NAA40: variants seen among roughly 807,000 people sequenced by gnomAD.
The protein encoded by NAA40 is N-alpha-acetyltransferase 40, NatD catalytic subunit, also known as N-alpha-acetyltransferase 40.
Under a neutral mutation model 36.6 loss-of-function variants are expected in NAA40, and 26 were observed. That is an observed-to-expected ratio of 0.71 (90% CI 0.52 to 0.98). NAA40 has a LOEUF of 0.98. Ranked by LOEUF, NAA40 falls within the 50% of genes least tolerant of loss-of-function variation. The probability of loss-of-function intolerance (pLI) is 0.00; values close to 1 mark genes in which losing one functional copy is unlikely to be tolerated. For missense variants in NAA40, 237 were observed against 306.5 expected (o/e 0.77, Z 1.69); for synonymous variants, 129 against 108.4 (o/e 1.19, Z -1.18).
chr11:63,941,342 C>T (rs988808569), intron 1 of NAA40, among the ~76,000 whole-genome samples: 1 of 152,202 alleles, frequency 6.6e-6, no homozygotes, highest in Admixed American at 6.5e-5. Flanking sequence ...GGAGCGCTTT[C>T]TCTTCAGTTG....
At chr11:63,951,098 G>C (rs1317425316) in intron 3 of NAA40, among the ~76,000 whole-genome samples, 1 of 152,170 alleles carries the variant, frequency 6.6e-6, no homozygotes, top group African/African-American at 2.4e-5. Context: ...ATTCCAGTGC[G>C]TACATCCTCT....
At chr11:63,939,782 G>GA (rs894365250) in intron 1 of NAA40, among the ~76,000 whole-genome samples, 1 of 152,150 alleles carries the variant, frequency 6.6e-6, no homozygotes, top group African/African-American at 2.4e-5. Flanking sequence ...TAGTGCAGGT[G>GA]TTTTTTGCAA....
chr11:63,939,279 G>A, intron 1 of NAA40, 177 bp downstream of exon 1: 1 of 1,284,954 alleles, frequency 7.8e-7, no homozygotes, highest in South Asian at 2.0e-5. Flanking sequence ...GGCCTAGCCC[G>A]GGAATCCTCT....
chr11:63,947,181 T>C (rs1481642859), intron 3 of NAA40, among the ~76,000 whole-genome samples, 178 bp downstream of exon 3: 8 of 152,056 alleles, frequency 5.3e-5, no homozygotes, highest in Non-Finnish European at 1.0e-4. Flanking sequence ...CCGAGGTGGG[T>C]GGATCACATG....
chr11:63,952,665 G>C, intron 5 of NAA40, 91 bp from the exon 6 acceptor site: 1 of 1,601,132 alleles, frequency 6.2e-7, no homozygotes, highest in Admixed American at 1.7e-5. Flanking sequence ...CTAGGTCTAT[G>C]AGCTGCCAAG....
At chr11:63,946,079 G>A in intron 2 of NAA40, 144 bp downstream of exon 2, 1 of 703,196 alleles carries the variant, frequency 1.4e-6, no homozygotes, top group Non-Finnish European at 2.4e-6. Flanking sequence ...AGGGAACTGA[G>A]CTCATACCTG....
In NAA40 at chr11:63,950,072, AAGAG is replaced by A. The variant is rs201604797; in HGVS notation, c.156-2164_156-2161del. ...CTTGGAAGGTTTTTTTTAAGGAAGAAAGAGAATATATGCAGCTCAGTAAGTAGCA... is the reference window on the plus strand; with the variant it reads ...CTTGGAAGGTTTTTTTTAAGGAAGAAAATATATGCAGCTCAGTAAGTAGCA... On this transcript the variant is annotated intron_variant, in intron 3 of 7. Transcript: ENST00000377793. Among the ~76,000 whole-genome samples the A allele has an allele frequency of 1.9e-3, 289 of 151,410 alleles. 8 individuals are homozygous for A. In the East Asian group the frequency reaches 0.042, roughly 22 times the overall value.
chr11:63,939,031 C>G lies in NAA40; in HGVS notation c.-66C>G. On this transcript the variant is annotated 5_prime_UTR_variant, in exon 1 of 8. Transcript: ENST00000377793. ...GCTCTGCTGCCGCCGCTGTTGCAGC[C>G]ACCGCCGTTGCCGCCTCCCTGCCGG... 1 of 1,581,286 alleles carries G rather than the reference C, an allele frequency of 6.3e-7. No homozygotes were observed. Among genetic ancestry groups the G allele is most frequent in the Admixed American group, 1.7e-5 (1 of 58,880 alleles).
rs118066521 is a variant in NAA40 at position 63,955,096 on chromosome 11, A to G, written c.*617A>G. On this transcript the variant is annotated 3_prime_UTR_variant, in exon 8 of 8. Transcript: ENST00000377793. ...CATGGAGTGGGCTCATGTTGGGACC[A>G]GCTGACTCTGGGAGGAAGACTGCCT... 0.02 allele frequency: 3,038 copies of G among 152,670 alleles called. 51 individuals are homozygous for G. The highest frequency in any genetic ancestry group is 0.029 in the Non-Finnish European group (1,983 of 68,016). 9.5% of individuals were successfully genotyped at this position (152,670 alleles called of 1,614,324 possible).
intron 3 of NAA40, among the ~76,000 whole-genome samples, chr11:63,949,219 CTAA>C (rs904934060): frequency 5.9e-5 from 9 of 152,220 alleles, no homozygotes; most frequent in African/African-American, 2.2e-4. Flanking sequence ...AAAAATGGTT[CTAA>C]TAATAGTACC....
chr11:63,943,399 C>T (rs541992798), intron 1 of NAA40, among the ~76,000 whole-genome samples: 4 of 152,338 alleles, frequency 2.6e-5, no homozygotes, highest in South Asian at 4.1e-4. Flanking sequence ...CGAGTGGTTG[C>T]TGAGGGCTTC....
At chr11:63,940,470 C>T (rs1437989088) in intron 1 of NAA40, among the ~76,000 whole-genome samples, 1 of 152,178 alleles carries the variant, frequency 6.6e-6, no homozygotes, top group Non-Finnish European at 1.5e-5. Context: ...GTGAGTTGGC[C>T]TTTATGTGTT....
At chr11:63,947,093 T>C in intron 3 of NAA40, 90 bp downstream of exon 3, 2 of 1,343,126 alleles carry the variant, frequency 1.5e-6, no homozygotes, top group Non-Finnish European at 2.1e-6. Flanking sequence ...ACACAAATTT[T>C]CTCATTGTTC....
Position 63,939,033 on chromosome 11 carries a change from C to T in NAA40, c.-64C>T. 2.5e-6 allele frequency: 4 copies of T among 1,590,466 alleles called. No homozygotes were observed. In the South Asian group the frequency reaches 4.4e-5, roughly 18 times the overall value. On this transcript the variant is annotated 5_prime_UTR_variant, in exon 1 of 8. Coordinates refer to ENST00000377793, the MANE Select transcript of NAA40 (RefSeq NM_024771.4). Reference sequence around the variant, plus strand: ...TCTGCTGCCGCCGCTGTTGCAGCCACCGCCGTTGCCGCCTCCCTGCCGGCA... The same window carrying T: ...TCTGCTGCCGCCGCTGTTGCAGCCATCGCCGTTGCCGCCTCCCTGCCGGCA...
intron 3 of NAA40, among the ~76,000 whole-genome samples, chr11:63,947,289 C>T (rs1473086709): frequency 6.6e-6 from 1 of 151,986 alleles, no homozygotes; most frequent in Non-Finnish European, 1.5e-5. Context: ...CGCCTGTAAT[C>T]CCAGCTACTC....
intron 3 of NAA40, among the ~76,000 whole-genome samples, chr11:63,950,823 C>G (rs1430334787): frequency 2.6e-5 from 4 of 152,218 alleles, no homozygotes; most frequent in Non-Finnish European, 5.9e-5. Context: ...AGCTCCAAAA[C>G]AGGCATTGCC....
At chr11:63,952,946 A>G in intron 6 of NAA40, 107 bp downstream of exon 6, 2 of 864,142 alleles carry the variant, frequency 2.3e-6, no homozygotes, top group Non-Finnish European at 3.6e-6. Context: ...GCTCATAGGC[A>G]TGTTTTGGGA....
At chr11:63,953,291 T>C (rs1197079373) in intron 6 of NAA40, among the ~76,000 whole-genome samples, 1 of 152,046 alleles carries the variant, frequency 6.6e-6, no homozygotes, top group Non-Finnish European at 1.5e-5. Flanking sequence ...GTGATCTACC[T>C]ACCTCAGCCT....
Position 63,954,711 on chromosome 11 carries a change from C to T in NAA40, c.*232C>T, listed in dbSNP as rs1409275848. 4 of 394,770 alleles carry T rather than the reference C, an allele frequency of 1.0e-5. No individual in the cohort carries two copies. The highest frequency in any genetic ancestry group is 4.1e-5 in the East Asian group (1 of 24,214). 24.5% of individuals were successfully genotyped at this position (394,770 alleles called of 1,614,324 possible). A position where few individuals can be genotyped will look rare whatever the true frequency, so the allele number is the denominator to read the frequency against. On this transcript the variant is annotated 3_prime_UTR_variant, in exon 8 of 8. Coordinates refer to ENST00000377793, the MANE Select transcript of NAA40 (RefSeq NM_024771.4). ...AGGGAGAGGGAAGAGTAGGTGGGGCCGGGCAGTGAAGCTCATCCTCCACAG... is the reference window on the plus strand; with the variant it reads ...AGGGAGAGGGAAGAGTAGGTGGGGCTGGGCAGTGAAGCTCATCCTCCACAG...
Sources: allele counts gnomAD v4.1 joint callset (sites outside exome capture counted in the v4.1 genomes callset), GRCh38; gene constraint gnomAD v4.1.1; transcripts MANE v1.5; gene names NCBI Gene and HGNC (gene_info 2026-07-23, HGNC 2026-07-21).